The following AFG2A variants were observed in gnomAD, a reference collection of about 807,000 sequenced individuals.
AFG2A encodes ATPase family gene 2 protein homolog A.
the AFG2A span, among the ~76,000 whole-genome samples, chr4:123,159,388 G>T: frequency 6.6e-6 from 1 of 152,286 alleles, no homozygotes; most frequent in Non-Finnish European, 1.5e-5. Flanking sequence ...AGCCAAGTCA[G>T]ATAGAAGTCA....
chr4:122,949,179 A>C, the AFG2A span, among the ~76,000 whole-genome samples: 1 of 152,210 alleles, frequency 6.6e-6, no homozygotes, highest in Non-Finnish European at 1.5e-5. Flanking sequence ...TTGTGGGGGC[A>C]GTTAAGATGT....
chr4:123,065,588 G>A, the AFG2A span, among the ~76,000 whole-genome samples: 4 of 151,994 alleles, frequency 2.6e-5, no homozygotes, highest in African/African-American at 7.3e-5. Flanking sequence ...AATCTACCTC[G>A]ACAGAGTTTA....
At chr4:123,168,100 T>C in the AFG2A span, among the ~76,000 whole-genome samples, 1 of 152,182 alleles carries the variant, frequency 6.6e-6, no homozygotes, top group African/African-American at 2.4e-5. Flanking sequence ...CCAGTGGTGG[T>C]AGCAACTGAA....
chr4:123,090,429 A>G, the AFG2A span: 1 of 768,248 alleles, frequency 1.3e-6, no homozygotes, highest in Non-Finnish European at 1.9e-6. Context: ...GAGATATGAT[A>G]ATGCAGTAAA....
At chr4:123,181,521 G>C in the AFG2A span, among the ~76,000 whole-genome samples, 1 of 152,128 alleles carries the variant, frequency 6.6e-6, no homozygotes, top group African/African-American at 2.4e-5. Flanking sequence ...GCTGAGGTGG[G>C]TGGATTGCTT....
At chr4:123,109,378 G>C in the AFG2A span, among the ~76,000 whole-genome samples, 5 of 152,094 alleles carry the variant, frequency 3.3e-5, no homozygotes, top group African/African-American at 1.2e-4. Flanking sequence ...TCTTGTGAGT[G>C]CTTTCACACT....
the AFG2A span, among the ~76,000 whole-genome samples, chr4:123,000,023 C>T: frequency 1.9e-4 from 29 of 151,896 alleles, no homozygotes; most frequent in African/African-American, 7.0e-4. Flanking sequence ...CCTTCACGTC[C>T]CTTGTAAGTT....
the AFG2A span, among the ~76,000 whole-genome samples, chr4:123,245,834 T>A: frequency 6.6e-6 from 1 of 152,202 alleles, no homozygotes; most frequent in African/African-American, 2.4e-5. Flanking sequence ...CTGTTTCAAA[T>A]GAATTATTTT....
chr4:123,190,211 A>G, the AFG2A span, among the ~76,000 whole-genome samples: 6 of 152,166 alleles, frequency 3.9e-5, no homozygotes, highest in African/African-American at 1.2e-4. Flanking sequence ...TATTTAAGAG[A>G]TGGGAAAGAG....
the AFG2A span, among the ~76,000 whole-genome samples, chr4:123,010,056 T>C: frequency 6.6e-6 from 1 of 152,208 alleles, no homozygotes; most frequent in Non-Finnish European, 1.5e-5. Context: ...ATTGGTCAAG[T>C]TGCAGATTAG....
the AFG2A span, among the ~76,000 whole-genome samples, chr4:123,086,587 G>C: frequency 1.3e-5 from 2 of 152,102 alleles, no homozygotes; most frequent in Non-Finnish European, 2.9e-5. Flanking sequence ...CTCAGTGAAT[G>C]TTTCTTCAAA....
chr4:123,137,312 T>A, the AFG2A span, among the ~76,000 whole-genome samples: 2 of 152,222 alleles, frequency 1.3e-5, no homozygotes, highest in African/African-American at 4.8e-5. Context: ...TTTGGTCTAT[T>A]CTTTTGGTTC....
At chr4:123,314,257 TTCAA>T in the AFG2A span, 1 of 396,686 alleles carries the variant, frequency 2.5e-6, no homozygotes, top group Non-Finnish European at 4.3e-6. Flanking sequence ...GAGCATAAGT[TTCAA>T]TCAGTTTTAC....
chr4:123,148,592 G>C, the AFG2A span, among the ~76,000 whole-genome samples: 1 of 152,122 alleles, frequency 6.6e-6, no homozygotes, highest in African/African-American at 2.4e-5. Context: ...GTTGTAACTA[G>C]AGTTAGTTAG....
At chr4:122,930,789 C>G in the AFG2A span, among the ~76,000 whole-genome samples, 20 of 152,278 alleles carry the variant, frequency 1.3e-4, no homozygotes, top group South Asian at 3.9e-3. Context: ...CTGGAATTAG[C>G]ATTTATGATG....
the AFG2A span, among the ~76,000 whole-genome samples, chr4:122,975,625 C>T: frequency 4.6e-5 from 7 of 152,188 alleles, no homozygotes; most frequent in East Asian, 1.4e-3. Flanking sequence ...TACCTGACAC[C>T]TGAGCCTTTA....
At chr4:123,102,656 A>C in the AFG2A span, among the ~76,000 whole-genome samples, 1 of 151,996 alleles carries the variant, frequency 6.6e-6, no homozygotes, top group South Asian at 2.1e-4. Flanking sequence ...TTTGAGAACG[A>C]ATGTTCAGTG....
chr4:123,194,829 G>A, the AFG2A span, among the ~76,000 whole-genome samples: 2 of 152,302 alleles, frequency 1.3e-5, no homozygotes, highest in African/African-American at 2.4e-5. Flanking sequence ...ACTAGCAGGT[G>A]TAGAAGTAGT....
the AFG2A span, among the ~76,000 whole-genome samples, chr4:123,133,320 G>A: frequency 6.6e-6 from 1 of 152,142 alleles, no homozygotes; most frequent in Non-Finnish European, 1.5e-5. Context: ...CACAGGAGCT[G>A]ACACCAGTTC....
Sources: gnomAD v4.1 joint callset for allele counts (sites outside exome capture counted in the v4.1 genomes callset) on GRCh38, gnomAD v4.1.1 for gene constraint, MANE v1.5 for transcripts, NCBI Gene and HGNC (gene_info 2026-07-23, HGNC 2026-07-21) for gene names.